The following SV2B variants were observed in gnomAD, a reference collection of about 807,000 sequenced individuals.
SV2B encodes solute carrier family 22 member B2.
A neutral mutation model predicts 73.9 loss-of-function variants in SV2B; 41 were observed. The observed-to-expected ratio is 0.56, with a 90% CI of 0.43 to 0.72. The LOEUF (loss-of-function observed/expected upper bound fraction) is 0.72. SV2B is among the 30% of genes least tolerant of loss of function. SV2B has a pLI of 0.00. For synonymous variants in SV2B, 314 were observed against 314.2 expected (o/e 1.00, Z 0.01); for missense variants, 764 against 857.8 (o/e 0.89, Z 1.37).
intron 1 of SV2B, among the ~76,000 whole-genome samples, chr15:91,131,355 A>G (rs2042641761): frequency 6.6e-6 from 1 of 151,142 alleles, no homozygotes; most frequent in Non-Finnish European, 1.5e-5. Context: ...GACAAGCAGG[A>G]CTGGGGGTCA....
At chr15:91,184,576 G>A (rs1345656243) in intron 1 of SV2B, among the ~76,000 whole-genome samples, 1 of 152,066 alleles carries the variant, frequency 6.6e-6, no homozygotes, top group Admixed American at 6.6e-5. Context: ...CATCACTGTG[G>A]TACCTTTCTA....
At chr15:91,275,221 C>G (rs62026631) in intron 9 of SV2B, among the ~76,000 whole-genome samples, 11,154 of 152,118 alleles carry the variant, frequency 0.073, 551 homozygotes, top group Non-Finnish European at 0.11. Context: ...TTCTCCCACC[C>G]TCTTTTAGAT....
At chr15:91,183,983 T>A (rs969617321) in intron 1 of SV2B, among the ~76,000 whole-genome samples, 1 of 152,158 alleles carries the variant, frequency 6.6e-6, no homozygotes, top group Non-Finnish European at 1.5e-5. Context: ...AACTGCAGTA[T>A]CATCAGGAGT....
intron 2 of SV2B, among the ~76,000 whole-genome samples, chr15:91,250,584 A>G (rs1797177178): frequency 6.6e-6 from 1 of 152,194 alleles, no homozygotes; most frequent in African/African-American, 2.4e-5. Context: ...ACTCCACCAA[A>G]AAATTGTTAG....
chr15:91,179,978 T>C lies in SV2B; in HGVS notation c.-391-45895T>C, dbSNP rs1285006785. ...TTTGCTCATTAGTTGATGCAGTTTC[T>C]TCCTAGTCTCGATGGTCTTTACATT... On this transcript the variant is annotated intron_variant, in intron 1 of 12. Transcript: ENST00000394232. Among the ~76,000 whole-genome samples, 40 of 151,860 alleles carry C rather than the reference T, an allele frequency of 2.6e-4. No individual in the cohort carries two copies. In the East Asian group the frequency reaches 7.6e-3, roughly 29 times the overall value.
rs1309816688 is a variant in SV2B, at chr15:91,229,035, T to TTCA, written c.451+2322_451+2324dup. On this transcript the variant is annotated intron_variant, in intron 2 of 12. Transcript: ENST00000394232. This position sits in a 1 kb window ranked among gnomAD's most constrained non-coding sequence, Gnocchi z 4.3. ...GGGTTTGACCGAAGGTCTATTTGAC[T>TTCA]TCAAAGTCTATGCCCATTCTGCCAC... Among the ~76,000 whole-genome samples, 1 of 152,240 alleles carries TTCA rather than the reference T, an allele frequency of 6.6e-6. No individual in the cohort carries two copies. Among genetic ancestry groups the TTCA allele is most frequent in the East Asian group, 1.9e-4 (1 of 5,202 alleles).
chr15:91,286,131 CT>C, intron 11 of SV2B, among the ~76,000 whole-genome samples: 1 of 152,290 alleles, frequency 6.6e-6, no homozygotes, highest in East Asian at 1.9e-4. Context: ...GAGACAGGAC[CT>C]TCTTTGTCTC....
intron 1 of SV2B, among the ~76,000 whole-genome samples, chr15:91,108,846 A>G (rs2041960311): frequency 6.6e-6 from 1 of 152,180 alleles, no homozygotes; most frequent in African/African-American, 2.4e-5. Context: ...ACTTAGCAAC[A>G]AAGACCCACA....
At chr15:91,216,210 G>A (rs187922175) in intron 1 of SV2B, among the ~76,000 whole-genome samples, 1 of 152,290 alleles carries the variant, frequency 6.6e-6, no homozygotes, top group East Asian at 1.9e-4. Context: ...CCCACGGGTT[G>A]ATGTAATCTA....
At chr15:91,144,411 C>T (rs1011504746) in intron 1 of SV2B, among the ~76,000 whole-genome samples, 2 of 146,182 alleles carry the variant, frequency 1.4e-5, no homozygotes, top group Non-Finnish European at 3.1e-5. Flanking sequence ...TTGAAACATT[C>T]ATGATTTTTT....
rs1334454241 is a variant in SV2B, at chr15:91,124,316, A to G, written c.-392+23953A>G. ...GGTGCCAGTGGTGTTTCCTTCTGTG[A>G]GGCACGACTTCCCAGGCAGGACTCT... is the stretch of plus-strand genomic sequence containing the variant. On this transcript the variant is annotated intron_variant, in intron 1 of 12. Transcript: ENST00000394232. This position sits in a 1 kb window ranked among gnomAD's most constrained non-coding sequence, Gnocchi z 4.6. Among the ~76,000 whole-genome samples, 1 of 152,088 alleles carries G rather than the reference A, an allele frequency of 6.6e-6. No individual in the cohort carries two copies. Among genetic ancestry groups the G allele is most frequent in the Non-Finnish European group, 1.5e-5 (1 of 68,030 alleles).
chr15:91,225,000 T>C lies in SV2B; in HGVS notation c.-391-873T>C, dbSNP rs2046327741. On this transcript the variant is annotated intron_variant, in intron 1 of 12. Transcript: ENST00000394232. This position sits in a 1 kb window ranked among gnomAD's most constrained non-coding sequence, Gnocchi z 4.9. ...CTAGGGGAAAAAAAAGAAGCAACAC[T>C]CATGTCAAGGCTTAAATAGTATTTA... Among the ~76,000 whole-genome samples, 1 of 152,194 alleles carries C rather than the reference T, an allele frequency of 6.6e-6. No homozygotes were observed.
intron 1 of SV2B, among the ~76,000 whole-genome samples, chr15:91,225,114 T>C (rs2046331187): frequency 6.6e-6 from 1 of 152,178 alleles, no homozygotes; most frequent in Non-Finnish European, 1.5e-5. Flanking sequence ...CAGGAGAAAA[T>C]TGAGGCTTGG....
chr15:91,154,374 G>A (rs959494288), intron 1 of SV2B, among the ~76,000 whole-genome samples: 1 of 152,100 alleles, frequency 6.6e-6, no homozygotes, highest in African/African-American at 2.4e-5. Context: ...GGCCAGGAAG[G>A]CTTAGGGTCA....
intron 2 of SV2B, among the ~76,000 whole-genome samples, chr15:91,228,077 C>G (rs987059005): frequency 3.3e-5 from 5 of 152,130 alleles, no homozygotes; most frequent in Non-Finnish European, 7.3e-5. Flanking sequence ...GATTTAGGGC[C>G]ACTGTAAATA....
intron 1 of SV2B, among the ~76,000 whole-genome samples, chr15:91,187,487 A>C (rs1222682604): frequency 1.3e-5 from 2 of 152,208 alleles, no homozygotes; most frequent in Non-Finnish European, 2.9e-5. Context: ...TTATGAAATC[A>C]GTGGCTCTGG....
At chr15:91,163,611 GTT>G (rs1177548019) in intron 1 of SV2B, among the ~76,000 whole-genome samples, 2 of 152,148 alleles carry the variant, frequency 1.3e-5, no homozygotes, top group East Asian at 3.9e-4. Flanking sequence ...TGATGGGGTT[GTT>G]TGATTTATTC....
chr15:91,175,142 GC>G (rs2044256845), intron 1 of SV2B, among the ~76,000 whole-genome samples: 1 of 152,296 alleles, frequency 6.6e-6, no homozygotes, highest in Middle Eastern at 3.4e-3. Flanking sequence ...AATGTAATCT[GC>G]CTGCCTTTGT....
intron 1 of SV2B, among the ~76,000 whole-genome samples, chr15:91,125,460 G>T (rs187241668): frequency 6.6e-6 from 1 of 152,108 alleles, no homozygotes; most frequent in East Asian, 1.9e-4. Context: ...AGTGCAAGGA[G>T]TGAGGCTTCC....
Sources: allele counts gnomAD v4.1 joint callset (sites outside exome capture counted in the v4.1 genomes callset), GRCh38; gene constraint gnomAD v4.1.1; non-coding constraint Gnocchi (gnomAD v3.1); transcripts MANE v1.5; gene names NCBI Gene and HGNC (gene_info 2026-07-23, HGNC 2026-07-21).